CACNA1I: variants seen among roughly 807,000 people sequenced by gnomAD.
CACNA1I encodes the protein voltage-dependent T-type calcium channel subunit alpha-1I.
In CACNA1I, 74 loss-of-function variants were observed where a neutral mutation model predicts 201.6. The observed-to-expected ratio is 0.37, with a 90% CI of 0.30 to 0.45. The LOEUF is 0.45. Among genes scored for constraint, CACNA1I ranks in the 20% least tolerant of loss-of-function variants. The pLI, the probability that CACNA1I is intolerant of heterozygous loss-of-function variation, is 1.00. For synonymous variants in CACNA1I, 1,431 were observed against 1,345.2 expected, an observed-to-expected ratio of 1.06 and a Z score of -1.40; for missense variants, 2,346 against 3,138.1, an observed-to-expected ratio of 0.75 and a Z score of 6.03.
intron 4 of CACNA1I, among the ~76,000 whole-genome samples, chr22:39,623,413 T>C (rs1358733240): frequency 6.6e-6 from 1 of 152,020 alleles, no homozygotes; most frequent in Admixed American, 6.6e-5. Context: ...AATGGGCACA[T>C]GTAAGGGTGT....
chr22:39,646,502 C>T (rs911387157), intron 7 of CACNA1I, 67 bp from the exon 8 acceptor site: 1 of 1,481,320 alleles, frequency 6.8e-7, no homozygotes, highest in African/African-American at 1.4e-5. Context: ...CATGACTCTG[C>T]CTCTCTCACC....
intron 10 of CACNA1I, among the ~76,000 whole-genome samples, chr22:39,651,790 C>G (rs1475653240): frequency 6.6e-6 from 1 of 152,152 alleles, no homozygotes; most frequent in Non-Finnish European, 1.5e-5. Flanking sequence ...TGAAATTGGC[C>G]GTGGAGGGAG....
intron 35 of CACNA1I, among the ~76,000 whole-genome samples, chr22:39,683,502 A>C (rs1781589924): frequency 6.6e-6 from 1 of 152,228 alleles, no homozygotes; most frequent in African/African-American, 2.4e-5. Flanking sequence ...GGCTGACCCG[A>C]GAGCCATTCC....
At chr22:39,604,833 C>T (rs535686125) in intron 3 of CACNA1I, among the ~76,000 whole-genome samples, 112 of 152,084 alleles carry the variant, frequency 7.4e-4, no homozygotes, top group Non-Finnish European at 1.3e-3. Flanking sequence ...CCACCTTGGC[C>T]TCTTGAAGCG....
At chr22:39,662,944 A>C in intron 18 of CACNA1I, 68 bp downstream of exon 18, 2 of 1,086,784 alleles carry the variant, frequency 1.8e-6, no homozygotes, top group Admixed American at 4.0e-5. Flanking sequence ...ATCTCTGCCA[A>C]GCCAGGCAAG....
At chr22:39,646,908 A>C (rs1366656181) in intron 8 of CACNA1I, 27 bp downstream of exon 8, 1 of 1,460,230 alleles carries the variant, frequency 6.8e-7, no homozygotes, top group Non-Finnish European at 9.0e-7. Flanking sequence ...CCGACGCGGC[A>C]CTCAGGCACT....
In CACNA1I at chr22:39,681,010, C is replaced by T. The variant is rs369779660; in HGVS notation, c.5622C>T (p.Leu1874=). The change falls in exon 34 of 37, where the codon CTC becomes CTT. Residue 1874 remains leucine, a synonymous_variant. Transcript: ENST00000402142. ...SSILLGDDLS[L]EDPTACPPGR... Reference sequence around the variant, plus strand: ...TCCTGCTGGGTGACGACCTGAGTCTCGAGGACCCCACAGCCTGCCCACCTG... The same window carrying T: ...TCCTGCTGGGTGACGACCTGAGTCTTGAGGACCCCACAGCCTGCCCACCTG... The T allele has an allele frequency of 1.1e-5, 18 of 1,611,330 alleles. No individual in the cohort carries two copies. The highest frequency in any genetic ancestry group is 4.0e-5 in the African/African-American group (3 of 74,914).
chr22:39,674,096 C>T, intron 29 of CACNA1I, 63 bp downstream of exon 29: 1 of 1,467,642 alleles, frequency 6.8e-7, no homozygotes, highest in African/African-American at 1.4e-5. Flanking sequence ...GGCCCTGGGG[C>T]ATGAAGGCCC....
At position 39,686,352 on chromosome 22, in the gene CACNA1I, C is replaced by G; in HGVS notation, c.6619C>G (p.Pro2207Ala). Residue 2207 changes from proline (P) to alanine (A), a missense_variant, in exon 37 of 37, where the codon CCG (proline) becomes GCG (alanine). Pro to Ala is a conservative substitution (Grantham distance 27, BLOSUM62 -1). This residue lies in a region of CACNA1I where 187 missense variants were observed against 151.0 expected (regional missense o/e 1.24). Transcript: ENST00000402142. ...GLGPLAPPPQ[P>A]LPGELEPGDA... ...GGGCCCCTTGGCGCCCCCGCCGCAACCGCTCCCCGGAGAGCTGGAGCCGGG... is the reference window on the plus strand; with the variant it reads ...GGGCCCCTTGGCGCCCCCGCCGCAAGCGCTCCCCGGAGAGCTGGAGCCGGG... 1 of 1,316,796 alleles carries G rather than the reference C, an allele frequency of 7.6e-7. No individual in the cohort carries two copies. The highest frequency in any genetic ancestry group is 1.5e-5 in the African/African-American group (1 of 64,646). 81.6% of individuals were successfully genotyped at this position (1,316,796 alleles called of 1,614,324 possible). A position where few individuals can be genotyped will look rare whatever the true frequency, so the allele number is the denominator to read the frequency against.
At position 39,662,787 on chromosome 22, in the gene CACNA1I, C is replaced by T. The variant is rs1478674926; in HGVS notation, c.3384C>T (p.Phe1128=). The T allele has an allele frequency of 1.3e-6, 2 of 1,587,700 alleles. No individual in the cohort carries two copies. Among genetic ancestry groups the T allele is most frequent in the African/African-American group, 1.3e-5 (1 of 74,364 alleles). Reference sequence around the variant, plus strand: ...CCTCCTCTTGCTAGACCCTGTGCTTCCGCGTCCGCAAGATGATCGACGTCT... The same window carrying T: ...CCTCCTCTTGCTAGACCCTGTGCTTTCGCGTCCGCAAGATGATCGACGTCT... ...DEEEIDYTLC[F]RVRKMIDVYK... is the part of the protein sequence containing the mutation. Residue 1128 remains phenylalanine, a synonymous_variant, in exon 18 of 37, where the codon TTC becomes TTT. Transcript: ENST00000402142.
intron 5 of CACNA1I, among the ~76,000 whole-genome samples, chr22:39,640,498 G>A (rs193219766): frequency 6.6e-6 from 1 of 152,286 alleles, no homozygotes; most frequent in African/African-American, 2.4e-5. Flanking sequence ...CTGCTAGATC[G>A]GTAAAAGCCA....
Position 39,659,160 on chromosome 22 carries a change from G to T in CACNA1I, c.2330+44G>T, listed in dbSNP as rs780817714. 2 of 1,604,136 alleles carry T rather than the reference G, an allele frequency of 1.2e-6. No individual in the cohort carries two copies. The highest frequency in any genetic ancestry group is 1.7e-6 in the Non-Finnish European group (2 of 1,176,670). ...GGGCCATACCTCAGCACCTGCTGGG[G>T]CTGTGGGCGGGAGCCTGGGGGATGT... On this transcript the variant is annotated intron_variant, in intron 12 of 36. Coordinates refer to ENST00000402142, the MANE Select transcript of CACNA1I (RefSeq NM_021096.4). The surrounding 1 kb of genome is among the most constrained non-coding windows in gnomAD (Gnocchi z 4.3).
chr22:39,576,021 C>T (rs956584374), intron 1 of CACNA1I, among the ~76,000 whole-genome samples: 5 of 152,090 alleles, frequency 3.3e-5, no homozygotes, highest in Admixed American at 6.5e-5. Context: ...GTGATCTGCC[C>T]GCCTCGGCCT....
At chr22:39,624,117 GGT>G (rs927663759) in intron 4 of CACNA1I, among the ~76,000 whole-genome samples, 15 of 148,680 alleles carry the variant, frequency 1.0e-4, no homozygotes, top group Non-Finnish European at 4.5e-5. Context: ...TCTCTGTGAG[GGT>G]GTGTGTATGA....
At chr22:39,617,073 A>G (rs950427521) in intron 3 of CACNA1I, among the ~76,000 whole-genome samples, 6 of 152,180 alleles carry the variant, frequency 3.9e-5, no homozygotes, top group African/African-American at 1.2e-4. Flanking sequence ...AGGAGAGAAT[A>G]ATGGGCCCGC....
intron 1 of CACNA1I, among the ~76,000 whole-genome samples, chr22:39,583,189 T>TATCCAACAATCCATCCATCCATCC (rs1328433089): frequency 2.9e-4 from 26 of 89,498 alleles, no homozygotes; most frequent in African/African-American, 9.8e-4. Context: ...TCCATCCATC[T>TATCCAACAATCCATCCATCCATCC]ATCCAACAAT....
intron 4 of CACNA1I, among the ~76,000 whole-genome samples, chr22:39,623,320 G>A (rs1429252567): frequency 6.6e-6 from 1 of 152,072 alleles, no homozygotes; most frequent in Non-Finnish European, 1.5e-5. Flanking sequence ...GTAAGTACAT[G>A]GGAGAGTGTG....
Position 39,570,929 on chromosome 22 carries a change from C to A in CACNA1I, c.177C>A (p.Phe59Leu). The change falls in exon 1 of 37, where the codon TTC (phenylalanine) becomes TTA (leucine). Residue 59 changes from phenylalanine to leucine, a missense_variant. Transcript: ENST00000402142. ...VPHPDLAPIA[F>L]FCLRQTTSPR... is the part of the protein sequence containing the mutation. ...ACCCAGACCTGGCGCCTATTGCCTT[C>A]TTCTGCCTGCGACAGACCACCAGCC... 1.2e-6 allele frequency: 2 copies of A among 1,613,842 alleles called. No individual in the cohort carries two copies. The highest frequency in any genetic ancestry group is 1.7e-6 in the Non-Finnish European group (2 of 1,179,870).
At chr22:39,599,567 C>T (rs1412884477) in intron 2 of CACNA1I, among the ~76,000 whole-genome samples, 1 of 130,276 alleles carries the variant, frequency 7.7e-6, no homozygotes, top group Non-Finnish European at 1.6e-5. Flanking sequence ...TGCAGTGAGC[C>T]GAGATCCCGC....
Sources: gnomAD v4.1 joint callset for allele counts (sites outside exome capture counted in the v4.1 genomes callset) on GRCh38, gnomAD v4.1.1 for gene constraint, gnomAD v4.1.1 regional missense constraint, Gnocchi (gnomAD v3.1) non-coding constraint, MANE v1.5 for transcripts, NCBI Gene and HGNC (gene_info 2026-07-23, HGNC 2026-07-21) for gene names.